The following HSP90AA1 variants were observed in gnomAD, a reference collection of about 807,000 sequenced individuals.
The protein encoded by HSP90AA1 is heat shock protein 90 alpha family class A member 1, also known as heat shock protein HSP 90-alpha.
A neutral mutation model predicts 73.3 loss-of-function variants in HSP90AA1; 18 were observed. The ratio of observed to expected loss-of-function variants is 0.25; its 90% confidence interval spans 0.17 to 0.36. The LOEUF is 0.36. Ranked by LOEUF, HSP90AA1 falls within the 10% of genes least tolerant of loss-of-function variation. The pLI is 1.00. For missense variants in HSP90AA1, 704 were observed against 874.2 expected, an observed-to-expected ratio of 0.81 and a Z score of 2.45; for synonymous variants, 477 against 296.9, an observed-to-expected ratio of 1.61 and a Z score of -6.24.
intron 1 of HSP90AA1, among the ~76,000 whole-genome samples, chr14:102,110,920 G>A (rs551117839): frequency 2.6e-5 from 4 of 151,764 alleles, no homozygotes; most frequent in East Asian, 1.9e-4. Context: ...GTTTTGCCAC[G>A]TTGGCCAGGC....
At position 102,084,423 on chromosome 14, in the gene HSP90AA1, C is replaced by T. The variant is rs1351357127; in HGVS notation, c.1123G>A (p.Glu375Lys). 6.2e-7 allele frequency: 1 copy of T among 1,612,986 alleles called. No individual in the cohort carries two copies. The highest frequency in any genetic ancestry group is 1.7e-5 in the Admixed American group (1 of 60,014). ...VRRVFIMDNC[E>K]ELIPEYLNFI... ...CTCAGATATTCAGGGATTAGCTCCTCACAGTTATCCATGATGAAAACTCTG... is the reference window on the plus strand; with the variant it reads ...CTCAGATATTCAGGGATTAGCTCCTTACAGTTATCCATGATGAAAACTCTG... The change falls in exon 6 of 11, where the codon GAG becomes AAG. Residue 375 changes from glutamate (E) to lysine (K), a missense_variant. Glu to Lys is a moderately conservative substitution (Grantham distance 56). Transcript: ENST00000216281.
At chr14:102,113,405 G>C (rs959153123) in intron 1 of HSP90AA1, among the ~76,000 whole-genome samples, 5 of 151,548 alleles carry the variant, frequency 3.3e-5, no homozygotes, top group African/African-American at 1.2e-4. Context: ...GTCTCACTAC[G>C]TCACCCAGGC....
chr14:102,106,580 T>G (rs1032848182), intron 1 of HSP90AA1, among the ~76,000 whole-genome samples: 2 of 142,338 alleles, frequency 1.4e-5, no homozygotes, highest in African/African-American at 2.6e-5. Context: ...AGTCTCTCTC[T>G]GTCGCCCGGG....
At chr14:102,110,629 G>A (rs1200816519) in intron 1 of HSP90AA1, among the ~76,000 whole-genome samples, 1 of 151,226 alleles carries the variant, frequency 6.6e-6, no homozygotes, top group Non-Finnish European at 1.5e-5. Flanking sequence ...GCCCAGGCTG[G>A]GGTGCAGTGG....
intron 1 of HSP90AA1, 89 bp downstream of exon 1, chr14:102,086,897 G>A: frequency 1.3e-6 from 1 of 771,972 alleles, no homozygotes; most frequent in Non-Finnish European, 1.6e-6. Flanking sequence ...CAGGGATCTG[G>A]TCCGGCCCCC....
chr14:102,094,228 A>G (rs551853067), intron 2 of HSP90AA1, among the ~76,000 whole-genome samples: 3 of 152,162 alleles, frequency 2.0e-5, no homozygotes, highest in African/African-American at 7.2e-5. Context: ...CTCCCCTCCC[A>G]CTGTTGGCAG....
chr14:102,081,573 A>C lies in HSP90AA1; in HGVS notation c.*139T>G, dbSNP rs1281908470. 3 of 670,044 alleles carry C rather than the reference A, an allele frequency of 4.5e-6. No individual in the cohort carries two copies. In the Admixed American group the frequency reaches 6.9e-5, roughly 15 times the overall value. The allele number at this position is 670,044 out of a possible 1,614,324, so 41.5% of individuals were successfully genotyped here. ...TCACAGCATCACTTAGTAGACAGAA[A>C]TCTTATCTTCCCCTTAAAGTAGTTG... On this transcript the variant is annotated 3_prime_UTR_variant, in exon 11 of 11. Coordinates refer to ENST00000216281, the MANE Select transcript of HSP90AA1 (RefSeq NM_005348.4).
intron 1 of HSP90AA1, among the ~76,000 whole-genome samples, chr14:102,124,138 T>TA (rs1369899266): frequency 3.3e-5 from 5 of 152,106 alleles, no homozygotes; most frequent in Non-Finnish European, 7.4e-5. Flanking sequence ...ATACTTAAAT[T>TA]AGTTACTATT....
In HSP90AA1 at chr14:102,081,676, G is replaced by A. The variant is rs772944294; in HGVS notation, c.*36C>T. The A allele has an allele frequency of 1.2e-6, 1 of 857,104 alleles. No homozygotes were observed. Among genetic ancestry groups the A allele is most frequent in the Non-Finnish European group, 2.0e-6 (1 of 488,076 alleles). 53.1% of individuals were successfully genotyped at this position (857,104 alleles called of 1,614,324 possible). A position where few individuals can be genotyped will look rare whatever the true frequency, so the allele number is the denominator to read the frequency against. ...AAAATATATTATCAGAGGAATTGTA[G>A]AGTACTGAACAGGTAAGTCATCCCT... On this transcript the variant is annotated 3_prime_UTR_variant, in exon 11 of 11. Coordinates refer to ENST00000216281, the MANE Select transcript of HSP90AA1 (RefSeq NM_005348.4).
In HSP90AA1 at chr14:102,081,806, T is replaced by A; in HGVS notation, c.2105A>T (p.Asp702Val). ...IKLGLGIDEDDPTADDTSAAV... is the reference protein window; with the variant it reads ...IKLGLGIDEDVPTADDTSAAV... ...AGCACTGGTATCATCAGCAGTAGGGTCATCTTCATCAATACCTGTTTCCAA... is the reference window on the plus strand; with the variant it reads ...AGCACTGGTATCATCAGCAGTAGGGACATCTTCATCAATACCTGTTTCCAA... The change falls in exon 11 of 11, where the codon GAC becomes GTC. Residue 702 changes from aspartate (D) to valine (V), a missense_variant. Physicochemically the swap from Asp to Val is radical, Grantham distance 152 (BLOSUM62 -3). Transcript: ENST00000216281. The A allele has an allele frequency of 6.7e-7, 1 of 1,501,354 alleles. No individual in the cohort carries two copies. Among genetic ancestry groups the A allele is most frequent in the Non-Finnish European group, 9.3e-7 (1 of 1,077,274 alleles). The allele number at this position is 1,501,354 out of a possible 1,614,324, so 93.0% of individuals were successfully genotyped here.
intron 2 of HSP90AA1, among the ~76,000 whole-genome samples, chr14:102,096,164 C>T (rs1175946470): frequency 6.6e-6 from 1 of 152,204 alleles, no homozygotes. Flanking sequence ...CATGGTCAGA[C>T]CTGACCAGGG....
intron 2 of HSP90AA1, among the ~76,000 whole-genome samples, chr14:102,095,950 T>C (rs1358712702): frequency 6.6e-6 from 1 of 152,198 alleles, no homozygotes; most frequent in Non-Finnish European, 1.5e-5. Flanking sequence ...GTAGTCCCTC[T>C]CTTGGTATTC....
At chr14:102,132,452 CAGG>C (rs2049919371) in intron 1 of HSP90AA1, among the ~76,000 whole-genome samples, 1 of 152,002 alleles carries the variant, frequency 6.6e-6, no homozygotes, top group African/African-American at 2.4e-5. Flanking sequence ...GAGGCTGGGA[CAGG>C]AGGATGGCTT....
At chr14:102,128,583 G>A (rs1012629160) in intron 1 of HSP90AA1, among the ~76,000 whole-genome samples, 7 of 142,556 alleles carry the variant, frequency 4.9e-5, no homozygotes, top group African/African-American at 1.8e-4. Context: ...AGCCAAGATC[G>A]CACCATTGCA....
At chr14:102,132,526 C>T (rs1434855824) in intron 1 of HSP90AA1, among the ~76,000 whole-genome samples, 1 of 151,540 alleles carries the variant, frequency 6.6e-6, no homozygotes, top group Non-Finnish European at 1.5e-5. Flanking sequence ...CCAGACCAGG[C>T]AACATAGTGA....
rs535256012 is a variant in HSP90AA1, at chr14:102,110,705, G to A, written c.156-8620C>T. 1.2e-4 allele frequency among the ~76,000 whole-genome samples: 18 copies of A among 149,636 alleles called. No individual in the cohort carries two copies. The East Asian group carries it at 1.6e-3, about 13-fold the overall frequency. ...CGCCATTCTCCTGCCTCAGCCTCCC[G>A]AGCAGCTCGGACTACAGGTGCCCCC... On this transcript the variant is annotated intron_variant, in intron 1 of 11. Coordinates refer to the HSP90AA1 transcript ENST00000334701.
Position 102,117,966 on chromosome 14 carries a change from G to T in HSP90AA1, c.156-15881C>A, listed in dbSNP as rs75105881. On this transcript the variant is annotated intron_variant, in intron 1 of 11. Transcript: ENST00000334701. ...TGCTTGCGATGTCCCTGGTCCAGCT[G>T]CAGCCTTGTAGAGAGCCATTGCCTG... Among the ~76,000 whole-genome samples, 974 of 152,306 alleles carry T rather than the reference G, an allele frequency of 6.4e-3. 9 individuals are homozygous for T. The highest frequency in any genetic ancestry group is 0.022 in the African/African-American group (930 of 41,564).
chr14:102,087,077 G>T (rs41438744), upstream of HSP90AA1: 5 of 983,698 alleles, frequency 5.1e-6, no homozygotes, highest in Non-Finnish European at 6.0e-6. Context: ...CTTATATAGC[G>T]ACGGGCCCGC....
chr14:102,086,751 C>G (rs991510033), intron 1 of HSP90AA1, among the ~76,000 whole-genome samples: 1 of 151,486 alleles, frequency 6.6e-6, no homozygotes, highest in Non-Finnish European at 1.5e-5. Context: ...GCGGCGCCAG[C>G]TCTGGCGCTG....
Sources: gnomAD v4.1 joint callset for allele counts (sites outside exome capture counted in the v4.1 genomes callset) on GRCh38, gnomAD v4.1.1 for gene constraint, MANE v1.5 for transcripts, NCBI Gene and HGNC (gene_info 2026-07-23, HGNC 2026-07-21) for gene names.